Variants in AK3 observed in about 807,000 individuals in gnomAD.
AK3 encodes adenylate kinase 3.
Under a neutral mutation model 23.7 loss-of-function variants are expected in AK3, and 27 were observed. That is an observed-to-expected ratio of 1.14 (90% CI 0.84 to 1.57). The LOEUF (loss-of-function observed/expected upper bound fraction) is 1.57. Ranked by LOEUF, AK3 falls within the 40% of genes most tolerant of loss-of-function variation. AK3 has a pLI of 0.00. For synonymous variants in AK3, 159 were observed against 116.0 expected, an observed-to-expected ratio of 1.37 and a Z score of -2.38; for missense variants, 406 against 285.6, an observed-to-expected ratio of 1.42 and a Z score of -3.04.
rs199975391 is a variant in AK3, at chr9:4,726,912, T to C, written c.152-4287A>G. 1.6e-4 allele frequency among the ~76,000 whole-genome samples: 25 copies of C among 152,188 alleles called. No individual in the cohort carries two copies. The East Asian group carries it at 4.0e-3, about 25-fold the overall frequency. On this transcript the variant is annotated intron_variant, in intron 1 of 4. Coordinates refer to ENST00000381809, the MANE Select transcript of AK3 (RefSeq NM_016282.4). ...TGATGCGTGGGCTACAGAATGGATG[T>C]TGTGTCAGCAGGCATGAAAACAACA...
chr9:4,734,789 C>T (rs1055725155), intron 1 of AK3, among the ~76,000 whole-genome samples: 1 of 152,016 alleles, frequency 6.6e-6, no homozygotes, highest in Non-Finnish European at 1.5e-5. Flanking sequence ...AAAACATGGC[C>T]CATCCATAAA....
At chr9:4,728,880 C>CACACACACACACAT (rs1554627005) in intron 1 of AK3, among the ~76,000 whole-genome samples, 2 of 97,612 alleles carry the variant, frequency 2.0e-5, no homozygotes, top group Non-Finnish European at 5.2e-5. Context: ...CACACACACA[C>CACACACACACACAT]ACATACATAT....
At chr9:4,728,649 T>C (rs1842072830) in intron 1 of AK3, among the ~76,000 whole-genome samples, 1 of 152,026 alleles carries the variant, frequency 6.6e-6, no homozygotes, top group Non-Finnish European at 1.5e-5. Context: ...GGTAGCATTA[T>C]AAAATGGTGT....
chr9:4,714,141 TATAC>T (rs1563781250), intron 4 of AK3, among the ~76,000 whole-genome samples: 6 of 99,840 alleles, frequency 6.0e-5, no homozygotes, highest in Non-Finnish European at 6.7e-5. Context: ...CACCTACACA[TATAC>T]ACACCTCCAC....
At chr9:4,719,408 G>A (rs1346076588) in intron 2 of AK3, 101 bp from the exon 3 acceptor site, 14 of 1,050,506 alleles carry the variant, frequency 1.3e-5, no homozygotes, top group South Asian at 6.7e-5. Context: ...AAGAATTAAT[G>A]TTGGACAATC....
intron 4 of AK3, among the ~76,000 whole-genome samples, chr9:4,714,598 A>C (rs926342766): frequency 6.6e-6 from 1 of 152,206 alleles, no homozygotes; most frequent in Non-Finnish European, 1.5e-5. Context: ...CCAGTGTCAC[A>C]AGTGGGTTAA....
chr9:4,722,372 G>C (rs766309182), intron 2 of AK3, 134 bp downstream of exon 2: 1 of 1,262,456 alleles, frequency 7.9e-7, no homozygotes, highest in Non-Finnish European at 1.1e-6. Flanking sequence ...AAGATGACTG[G>C]TTTCAGGATA....
chr9:4,741,384 C>T, upstream of AK3: 1 of 302,270 alleles, frequency 3.3e-6, no homozygotes, highest in Non-Finnish European at 6.1e-6. Context: ...CTCGCTCGGC[C>T]GCCCAGCTCC....
At chr9:4,727,679 G>A (rs989112980) in intron 1 of AK3, among the ~76,000 whole-genome samples, 1 of 152,160 alleles carries the variant, frequency 6.6e-6, no homozygotes, top group Non-Finnish European at 1.5e-5. Context: ...GTTTACTGGA[G>A]CAGCACTTTT....
intron 1 of AK3, among the ~76,000 whole-genome samples, chr9:4,724,130 AGGGCT>A (rs1841967415): frequency 6.6e-6 from 1 of 152,180 alleles, no homozygotes; most frequent in African/African-American, 2.4e-5. Flanking sequence ...CACTTAGAAG[AGGGCT>A]TGGCAGATGG....
At chr9:4,724,096 G>A (rs942684566) in intron 1 of AK3, among the ~76,000 whole-genome samples, 5 of 152,126 alleles carry the variant, frequency 3.3e-5, no homozygotes, top group African/African-American at 1.2e-4. Flanking sequence ...CATGTGGCAC[G>A]TGTGCTGCTG....
chr9:4,722,371 G>A (rs1174097419), intron 2 of AK3, 135 bp downstream of exon 2: 3 of 1,232,360 alleles, frequency 2.4e-6, no homozygotes, highest in Non-Finnish European at 3.3e-6. Flanking sequence ...GAAGATGACT[G>A]GTTTCAGGAT....
Position 4,713,056 on chromosome 9 carries a change from T to G in AK3, c.604A>C (p.Asn202His), listed in dbSNP as rs1344957010. Residue 202 changes from asparagine to histidine, a missense_variant, in exon 5 of 5, where the codon AAC becomes CAC. Transcript: ENST00000381809. ...VLETFSGTET[N>H]KIWPYVYAFL... Reference sequence around the variant, plus strand: ...GCATATACATAGGGCCAAATCTTGTTGGTTTCTGTTCCGGAGAATGTTTCC... The same window carrying G: ...GCATATACATAGGGCCAAATCTTGTGGGTTTCTGTTCCGGAGAATGTTTCC... The G allele has an allele frequency of 1.4e-5, 22 of 1,613,708 alleles. No homozygotes were observed. Among genetic ancestry groups the G allele is most frequent in the Non-Finnish European group, 1.9e-5 (22 of 1,179,810 alleles).
chr9:4,728,862 T>TACACACACACACACAC (rs1315242329), intron 1 of AK3, among the ~76,000 whole-genome samples: 9 of 71,468 alleles, frequency 1.3e-4, no homozygotes, highest in Non-Finnish European at 2.7e-4. Context: ...TATATATATA[T>TACACACACACACACAC]ATATACACAC....
intron 1 of AK3, among the ~76,000 whole-genome samples, chr9:4,727,975 A>C (rs1842056482): frequency 6.6e-6 from 1 of 152,228 alleles, no homozygotes; most frequent in Non-Finnish European, 1.5e-5. Context: ...CAGTCAGAAC[A>C]CACATAACAT....
intron 1 of AK3, among the ~76,000 whole-genome samples, chr9:4,737,518 C>T (rs904924858): frequency 2.0e-4 from 30 of 152,234 alleles, no homozygotes; most frequent in African/African-American, 3.6e-4. Context: ...GTCAGGAGTT[C>T]GAGACCAGCC....
chr9:4,735,484 T>C (rs867359903), intron 1 of AK3, among the ~76,000 whole-genome samples: 1,918 of 116,970 alleles, frequency 0.016, 209 homozygotes, highest in African/African-American at 0.068. Flanking sequence ...ATATATTTTT[T>C]TTTTTTTTTT....
At chr9:4,741,366 C>G (rs886336652), upstream of AK3, 11 of 327,200 alleles carry the variant, frequency 3.4e-5, no homozygotes, top group South Asian at 2.5e-4. Flanking sequence ...AGCCGCGCCC[C>G]CTCTGCGCTC....
chr9:4,713,895 T>C (rs1377518643), intron 4 of AK3, among the ~76,000 whole-genome samples: 1 of 14 alleles, frequency 0.071, no homozygotes, highest in Non-Finnish European at 0.12. Context: ...AGCCCATGCG[T>C]ACACCTACGC....
Sources: allele counts gnomAD v4.1 joint callset (sites outside exome capture counted in the v4.1 genomes callset), GRCh38; gene constraint gnomAD v4.1.1; transcripts MANE v1.5; gene names NCBI Gene and HGNC (gene_info 2026-07-23, HGNC 2026-07-21).